The following EPHB2 variants were observed in gnomAD, a reference collection of about 807,000 sequenced individuals.
EPHB2 encodes ephrin type-B receptor 2.
EPHB2 carries 18 observed loss-of-function variants against 96.4 expected under a neutral mutation model. The ratio of observed to expected loss-of-function variants is 0.19; its 90% CI spans 0.13 to 0.28. The LOEUF is 0.28. Among genes scored for constraint, EPHB2 ranks in the 10% least tolerant of loss-of-function variants. The pLI, the probability that EPHB2 is intolerant of heterozygous loss-of-function variation, is 1.00. For synonymous variants in EPHB2, 506 were observed against 534.1 expected, an observed-to-expected ratio of 0.95 and a Z score of 0.72; for missense variants, 989 against 1,355.4, an observed-to-expected ratio of 0.73 and a Z score of 4.25.
At chr1:22,819,265 C>G (rs1442103513) in intron 3 of EPHB2, among the ~76,000 whole-genome samples, 1 of 136,972 alleles carries the variant, frequency 7.3e-6, no homozygotes, top group Non-Finnish European at 1.6e-5. Flanking sequence ...GTCTTTGTGT[C>G]TTTTCATTCT....
rs180783995 is a variant in EPHB2 at position 22,846,581 on chromosome 1, G to T, written c.812-16456G>T. Among the ~76,000 whole-genome samples the T allele has an allele frequency of 6.6e-6, 1 of 152,150 alleles. No individual in the cohort carries two copies. The highest frequency in any genetic ancestry group is 2.4e-5 in the African/African-American group (1 of 41,432). On this transcript the variant is annotated intron_variant, in intron 3 of 15. Transcript: ENST00000374630. The surrounding 1 kb of genome is among the most constrained non-coding windows in gnomAD (Gnocchi z 4.3). ...GGCACGCACCTGTTGCTGGGTAGGCGGCTTGTTGCCTCTCCAGCCTCGTGT... is the reference window on the plus strand; with the variant it reads ...GGCACGCACCTGTTGCTGGGTAGGCTGCTTGTTGCCTCTCCAGCCTCGTGT...
intron 3 of EPHB2, among the ~76,000 whole-genome samples, chr1:22,844,687 A>G (rs186710423): frequency 6.6e-6 from 1 of 152,302 alleles, no homozygotes; most frequent in East Asian, 1.9e-4. Flanking sequence ...ACACACTGCT[A>G]ACCACAGCAC....
rs1234131437 is a variant in EPHB2, at chr1:22,863,195, A to G, written c.967+3A>G. 1 of 1,614,038 alleles carries G rather than the reference A, an allele frequency of 6.2e-7. No individual in the cohort carries two copies. The highest frequency in any genetic ancestry group is 8.5e-7 in the Non-Finnish European group (1 of 1,180,028). ...CCCCCTGGACATGCCCTGCACAAGTAAGTCCTAGGGCCCCTCAAGGGCGAT... is the reference window on the plus strand; with the variant it reads ...CCCCCTGGACATGCCCTGCACAAGTGAGTCCTAGGGCCCCTCAAGGGCGAT... On this transcript the variant is annotated splice_donor_region_variant and intron_variant, in intron 4 of 15. Transcript: ENST00000374630.
At chr1:22,862,990 G>A (rs1472134250) in intron 3 of EPHB2, 47 bp from the exon 4 acceptor site, 1 of 1,613,692 alleles carries the variant, frequency 6.2e-7, no homozygotes, top group Non-Finnish European at 8.5e-7. Context: ...TGACCTCTCT[G>A]AGTCTTCATC....
Position 22,838,411 on chromosome 1 carries a change from G to C in EPHB2, c.812-24626G>C, listed in dbSNP as rs541793507. On this transcript the variant is annotated intron_variant, in intron 3 of 15. Transcript: ENST00000374630. ...TCAGAAGACCCAGGGAATAGTATAG[G>C]CATTAACTGTGTGGCCCTGGGCATG... Among the ~76,000 whole-genome samples, 16 of 152,366 alleles carry C rather than the reference G, an allele frequency of 1.1e-4. No homozygotes were observed. The South Asian group carries it at 3.1e-3, about 30-fold the overall frequency.
At chr1:22,736,391 C>T (rs1452991414) in intron 1 of EPHB2, among the ~76,000 whole-genome samples, 1 of 152,210 alleles carries the variant, frequency 6.6e-6, no homozygotes, top group African/African-American at 2.4e-5. Flanking sequence ...CTTCAACTTT[C>T]CTCCCAAATA....
Position 22,906,632 on chromosome 1 carries a change from T to C in EPHB2, c.1889-78T>C. 2 of 1,603,598 alleles carry C rather than the reference T, an allele frequency of 1.2e-6. No homozygotes were observed. Among genetic ancestry groups the C allele is most frequent in the Middle Eastern group, 1.7e-4 (1 of 6,046 alleles). Reference sequence around the variant, plus strand: ...AAAATGTACCTGCAGGCCCCGTGAGTGGACATGACAGGGAACAGGAAGGTG... The same window carrying C: ...AAAATGTACCTGCAGGCCCCGTGAGCGGACATGACAGGGAACAGGAAGGTG... On this transcript the variant is annotated intron_variant, in intron 10 of 15. Coordinates refer to ENST00000374630, the MANE Select transcript of EPHB2 (RefSeq NM_017449.5). This position sits in a 1 kb window ranked among gnomAD's most constrained non-coding sequence, Gnocchi z 4.8.
chr1:22,730,475 G>A (rs989526173), intron 1 of EPHB2, among the ~76,000 whole-genome samples: 7 of 152,218 alleles, frequency 4.6e-5, no homozygotes, highest in Non-Finnish European at 7.3e-5. Flanking sequence ...TAATGGACAG[G>A]ACTGATGCCA....
At chr1:22,782,424 G>A (rs1029116157) in intron 2 of EPHB2, among the ~76,000 whole-genome samples, 11 of 55,792 alleles carry the variant, frequency 2.0e-4, no homozygotes, top group Non-Finnish European at 3.4e-4. Flanking sequence ...CAGTTCCTCC[G>A]CTGGGACTCA....
At chr1:22,823,266 C>T (rs1645177987) in intron 3 of EPHB2, among the ~76,000 whole-genome samples, 1 of 152,202 alleles carries the variant, frequency 6.6e-6, no homozygotes, top group East Asian at 1.9e-4. Context: ...TAACCTGGCC[C>T]ATCCTTCATA....
chr1:22,873,579 A>T (rs1309279329), intron 5 of EPHB2, among the ~76,000 whole-genome samples: 1 of 150,710 alleles, frequency 6.6e-6, no homozygotes, highest in African/African-American at 2.4e-5. Flanking sequence ...GATTAATACA[A>T]CTGGTCTAAC....
intron 7 of EPHB2, 126 bp downstream of exon 7, chr1:22,893,172 C>G: frequency 7.0e-7 from 1 of 1,420,542 alleles, no homozygotes; most frequent in Non-Finnish European, 9.8e-7. Context: ...GATGTCAGCC[C>G]TCCCTCCCTC....
intron 3 of EPHB2, among the ~76,000 whole-genome samples, chr1:22,840,519 G>A (rs1645450705): frequency 6.6e-6 from 1 of 152,136 alleles, no homozygotes; most frequent in African/African-American, 2.4e-5. Context: ...GGAGTGCAAC[G>A]ATGTGACCTT....
chr1:22,815,172 GC>G (rs1179781363), intron 3 of EPHB2, among the ~76,000 whole-genome samples: 5 of 152,122 alleles, frequency 3.3e-5, no homozygotes, highest in Non-Finnish European at 7.3e-5. Flanking sequence ...CACCTCTCTG[GC>G]CCACCACGTG....
At chr1:22,871,044 G>C (rs1638648124) in intron 5 of EPHB2, among the ~76,000 whole-genome samples, 1 of 152,228 alleles carries the variant, frequency 6.6e-6, no homozygotes, top group Non-Finnish European at 1.5e-5. Flanking sequence ...CATTTGTCAA[G>C]TGCTAACTGT....
intron 5 of EPHB2, among the ~76,000 whole-genome samples, chr1:22,880,149 G>T (rs940710842): frequency 6.6e-6 from 1 of 152,162 alleles, no homozygotes; most frequent in African/African-American, 2.4e-5. Context: ...CCAGGAGGAA[G>T]CCAGGTCCAG....
chr1:22,761,571 C>T (rs370618127), intron 1 of EPHB2, among the ~76,000 whole-genome samples: 3 of 152,174 alleles, frequency 2.0e-5, no homozygotes, highest in Non-Finnish European at 4.4e-5. Context: ...ACTGAGCCTC[C>T]GTTCCCTTGT....
chr1:22,767,960 C>T (rs376070839), intron 1 of EPHB2, among the ~76,000 whole-genome samples: 8 of 152,180 alleles, frequency 5.3e-5, no homozygotes, highest in South Asian at 2.1e-4. Flanking sequence ...CCAGCAGAGC[C>T]GTGACTGCTT....
chr1:22,770,897 T>C (rs1644371784), intron 1 of EPHB2, among the ~76,000 whole-genome samples: 1 of 143,202 alleles, frequency 7.0e-6, no homozygotes, highest in East Asian at 2.1e-4. Flanking sequence ...GATGGATAGA[T>C]GGGTGGGTGG....
Sources: allele counts gnomAD v4.1 joint callset (sites outside exome capture counted in the v4.1 genomes callset), GRCh38; gene constraint gnomAD v4.1.1; non-coding constraint Gnocchi (gnomAD v3.1); transcripts MANE v1.5; gene names NCBI Gene and HGNC (gene_info 2026-07-23, HGNC 2026-07-21).